The following TAF1B variants were observed in gnomAD, a reference collection of about 807,000 sequenced individuals.
The protein encoded by TAF1B is TATA-box binding protein associated factor, RNA polymerase I subunit B.
Under a neutral mutation model 83.9 loss-of-function variants are expected in TAF1B, and 61 were observed. That is an observed-to-expected ratio of 0.73 (90% CI 0.59 to 0.90). The LOEUF is 0.90. TAF1B is among the 40% of genes least tolerant of loss of function. The pLI is 0.00. For missense variants in TAF1B, 625 were observed against 677.0 expected (o/e 0.92, Z 0.85); for synonymous variants, 221 against 224.6 (o/e 0.98, Z 0.14).
At chr2:9,868,639 A>C (rs1183336379) in intron 6 of TAF1B, 5 of 743,838 alleles carry the variant, frequency 6.7e-6, no homozygotes, top group Non-Finnish European at 9.5e-6. Context: ...TCTCCATGTG[A>C]GTTTTTTGTG....
At chr2:9,852,533 C>G (rs1200814171) in intron 4 of TAF1B, among the ~76,000 whole-genome samples, 1 of 151,976 alleles carries the variant, frequency 6.6e-6, no homozygotes, top group Non-Finnish European at 1.5e-5. Flanking sequence ...GCTCTGTTGC[C>G]CAGGCTGGAG....
At chr2:9,892,883 T>C (rs1664913931) in intron 8 of TAF1B, among the ~76,000 whole-genome samples, 1 of 152,176 alleles carries the variant, frequency 6.6e-6, no homozygotes, top group African/African-American at 2.4e-5. Context: ...CCACCACCAA[T>C]GTACAAGAGT....
At chr2:9,875,764 C>A in intron 6 of TAF1B, 101 bp from the exon 7 acceptor site, 1 of 1,307,220 alleles carries the variant, frequency 7.6e-7, no homozygotes, top group Non-Finnish European at 1.0e-6. Flanking sequence ...CACAGCCAAA[C>A]CATGTCAATA....
chr2:9,846,898 C>A (rs1299783620), intron 2 of TAF1B, among the ~76,000 whole-genome samples: 2 of 152,168 alleles, frequency 1.3e-5, no homozygotes, highest in Non-Finnish European at 2.9e-5. Context: ...GTTTGGTCCT[C>A]ACCCTCATTG....
intron 11 of TAF1B, among the ~76,000 whole-genome samples, chr2:9,912,528 T>G (rs568931129): frequency 2.0e-5 from 3 of 152,340 alleles, no homozygotes; most frequent in Non-Finnish European, 4.4e-5. Flanking sequence ...AAGGTTGAAC[T>G]AGCTGTCTTC....
At chr2:9,919,288 T>C (rs181481100) in intron 13 of TAF1B, among the ~76,000 whole-genome samples, 177 bp downstream of exon 13, 285 of 152,352 alleles carry the variant, frequency 1.9e-3, no homozygotes, top group Non-Finnish European at 3.4e-3. Flanking sequence ...AGGAATCTAC[T>C]TCAGGAATAT....
chr2:9,843,648 G>A (rs1404083755), intron 1 of TAF1B, 89 bp downstream of exon 1: 10 of 1,361,992 alleles, frequency 7.3e-6, no homozygotes, highest in Non-Finnish European at 8.7e-6. Flanking sequence ...GCCGCGGGTT[G>A]GGGCGGCGAC....
At chr2:9,917,624 T>C (rs1275749544) in intron 12 of TAF1B, among the ~76,000 whole-genome samples, 1 of 152,240 alleles carries the variant, frequency 6.6e-6, no homozygotes, top group Admixed American at 6.5e-5. Flanking sequence ...TTCATTTCTT[T>C]GTTCATTTAT....
At chr2:9,885,752 C>A (rs981388864) in intron 8 of TAF1B, among the ~76,000 whole-genome samples, 2 of 138,952 alleles carry the variant, frequency 1.4e-5, no homozygotes, top group African/African-American at 5.0e-5. Context: ...CGCCCCCCCC[C>A]ACTTTGTCCT....
intron 8 of TAF1B, among the ~76,000 whole-genome samples, chr2:9,892,104 G>C (rs1252461035): frequency 6.6e-6 from 1 of 152,102 alleles, no homozygotes; most frequent in African/African-American, 2.4e-5. Flanking sequence ...CCCTATAGAG[G>C]TGTACAGTTT....
chr2:9,843,880 A>G, intron 1 of TAF1B: 1 of 186,070 alleles, frequency 5.4e-6, no homozygotes. Flanking sequence ...TCGAGACTGG[A>G]CCACCCACAA....
At chr2:9,865,728 C>T (rs1162604551) in intron 5 of TAF1B, among the ~76,000 whole-genome samples, 4 of 151,518 alleles carry the variant, frequency 2.6e-5, no homozygotes. Context: ...GTACTGGTAC[C>T]AAAACAGAGA....
At chr2:9,844,583 T>C (rs925719289) in intron 1 of TAF1B, 1 of 152,284 alleles carries the variant, frequency 6.6e-6, no homozygotes, top group African/African-American at 2.4e-5. Context: ...AGTACGGTCT[T>C]ATAGTAGAGG....
chr2:9,919,459 G>T lies in TAF1B; in HGVS notation c.1343-139G>T. 5.6e-6 allele frequency: 4 copies of T among 718,024 alleles called. No individual in the cohort carries two copies. In the Admixed American group the frequency reaches 7.9e-5, roughly 14 times the overall value. The allele number at this position is 718,024 out of a possible 1,614,324, so 44.5% of individuals were successfully genotyped here. A position where few individuals can be genotyped will look rare whatever the true frequency, so the allele number is the denominator to read the frequency against. On this transcript the variant is annotated intron_variant, in intron 13 of 14. Coordinates refer to ENST00000263663, the MANE Select transcript of TAF1B (RefSeq NM_005680.3). ...TCATCCAGTTTCATTTTCCCTTAACGTTATCCTGTTACATTACTGTGGTAC... is the reference window on the plus strand; with the variant it reads ...TCATCCAGTTTCATTTTCCCTTAACTTTATCCTGTTACATTACTGTGGTAC...
intron 12 of TAF1B, among the ~76,000 whole-genome samples, chr2:9,918,519 A>G (rs777787595): frequency 1.3e-5 from 2 of 152,186 alleles, no homozygotes; most frequent in Non-Finnish European, 2.9e-5. Flanking sequence ...AACAGGGACT[A>G]CTGGGACTGT....
chr2:9,856,903 A>C (rs1187518070), intron 5 of TAF1B, among the ~76,000 whole-genome samples: 1 of 152,238 alleles, frequency 6.6e-6, no homozygotes, highest in African/African-American at 2.4e-5. Flanking sequence ...TTAGAAGCAT[A>C]GTTTTCTCAA....
At chr2:9,915,605 T>C (rs1480664091) in intron 12 of TAF1B, among the ~76,000 whole-genome samples, 3 of 152,062 alleles carry the variant, frequency 2.0e-5, no homozygotes, top group African/African-American at 2.4e-5. Context: ...ATTAGAATGG[T>C]TCAAAACAAA....
chr2:9,857,716 A>G (rs1197164077), intron 5 of TAF1B, among the ~76,000 whole-genome samples: 1 of 152,208 alleles, frequency 6.6e-6, no homozygotes, highest in Non-Finnish European at 1.5e-5. Flanking sequence ...CATGTCTTAC[A>G]TGGCAGCAGG....
At chr2:9,845,704 C>T (rs1369753519) in intron 2 of TAF1B, 10 of 256,464 alleles carry the variant, frequency 3.9e-5, no homozygotes, top group East Asian at 2.2e-4. Context: ...AGGACTGGGC[C>T]GGGCGCAGTG....
Sources: allele counts gnomAD v4.1 joint callset (sites outside exome capture counted in the v4.1 genomes callset), GRCh38; gene constraint gnomAD v4.1.1; transcripts MANE v1.5; gene names NCBI Gene and HGNC (gene_info 2026-07-23, HGNC 2026-07-21).